ATXN7L1: variants seen among roughly 807,000 people sequenced by gnomAD.
ATXN7L1 encodes ataxin-7-like protein 1.
In ATXN7L1, 15 loss-of-function variants were observed where a neutral mutation model predicts 70.8. The ratio of observed to expected loss-of-function variants is 0.21; its 90% CI spans 0.14 to 0.33. The LOEUF (loss-of-function observed/expected upper bound fraction) is 0.33, where lower values mean the gene tolerates loss of function less well. Among genes scored for constraint, ATXN7L1 ranks in the 10% least tolerant of loss-of-function variants. ATXN7L1 has a pLI of 1.00. For synonymous variants in ATXN7L1, 440 were observed against 445.1 expected (o/e 0.99, Z 0.14); for missense variants, 975 against 1,097.1 (o/e 0.89, Z 1.57).
At chr7:105,668,297 G>C (rs149166002) in intron 3 of ATXN7L1, among the ~76,000 whole-genome samples, 1 of 152,154 alleles carries the variant, frequency 6.6e-6, no homozygotes, top group African/African-American at 2.4e-5. Context: ...GCTGTGGCAC[G>C]ATCATGGCTT....
At chr7:105,670,362 T>G (rs949623075) in intron 3 of ATXN7L1, among the ~76,000 whole-genome samples, 1 of 152,182 alleles carries the variant, frequency 6.6e-6, no homozygotes, top group East Asian at 1.9e-4. Context: ...CCATTTGCCC[T>G]GCCCAGAAAG....
chr7:105,645,301 TA>T (rs199516496), intron 4 of ATXN7L1, among the ~76,000 whole-genome samples: 6 of 151,074 alleles, frequency 4.0e-5, no homozygotes, highest in East Asian at 3.9e-4. Flanking sequence ...ATGTACAAAC[TA>T]AAAAAAAATG....
intron 8 of ATXN7L1, among the ~76,000 whole-genome samples, chr7:105,621,340 C>T (rs1217780887): frequency 6.6e-6 from 1 of 152,196 alleles, no homozygotes; most frequent in Non-Finnish European, 1.5e-5. Context: ...CCATGGCACA[C>T]CCATTGCCTG....
At chr7:105,623,290 C>G (rs1795202906) in intron 8 of ATXN7L1, among the ~76,000 whole-genome samples, 1 of 152,162 alleles carries the variant, frequency 6.6e-6, no homozygotes, top group East Asian at 1.9e-4. Flanking sequence ...AGGCTGGCAC[C>G]AGAGTAAACC....
In ATXN7L1 at chr7:105,607,858, A is replaced by G; in HGVS notation, c.2580T>C (p.Leu860=). The change falls in exon 12 of 12, where the codon CTT becomes CTC. Residue 860 remains leucine, a synonymous_variant. Transcript: ENST00000419735. The part of the protein sequence containing the change: ...NTNRTGRIRT[L]P ...AAGTGGCTTCATAGTCTTGTTATGGAAGAGTCCTTATCCTGCCCGTTCTGT... is the reference window on the plus strand; with the variant it reads ...AAGTGGCTTCATAGTCTTGTTATGGGAGAGTCCTTATCCTGCCCGTTCTGT... 1.3e-6 allele frequency: 2 copies of G among 1,551,956 alleles called. No individual in the cohort carries two copies. The highest frequency in any genetic ancestry group is 1.7e-6 in the Non-Finnish European group (2 of 1,146,988).
chr7:105,643,083 T>A lies in ATXN7L1; in HGVS notation c.617A>T (p.Asn206Ile). Residue 206 changes from asparagine to isoleucine, a missense_variant, in exon 5 of 12, where the codon AAC becomes ATC. Transcript: ENST00000419735. ...ATTGGCACCATCTGCCTTCACTAGG[T>A]TAGGAATTTTCTCTAAACTGACTAC... ...VPVVSLEKIPNLVKADGANVK... is the reference protein window; with the variant it reads ...VPVVSLEKIPILVKADGANVK... 6.5e-7 allele frequency: 1 copy of A among 1,541,680 alleles called. No homozygotes were observed. Among genetic ancestry groups the A allele is most frequent in the South Asian group, 1.2e-5 (1 of 83,048 alleles).
chr7:105,844,011 C>A (rs1280401140), intron 2 of ATXN7L1, among the ~76,000 whole-genome samples: 1 of 152,192 alleles, frequency 6.6e-6, no homozygotes, highest in Non-Finnish European at 1.5e-5. Flanking sequence ...CAAGATGGCC[C>A]ATTCACATGG....
At chr7:105,765,061 G>A (rs143693016) in intron 3 of ATXN7L1, among the ~76,000 whole-genome samples, 12 of 152,244 alleles carry the variant, frequency 7.9e-5, no homozygotes, top group African/African-American at 2.6e-4. Context: ...TAGGCCGGGC[G>A]TGGTGGCTCA....
intron 2 of ATXN7L1, among the ~76,000 whole-genome samples, chr7:105,841,613 T>C (rs1267071954): frequency 4.6e-5 from 7 of 152,184 alleles, no homozygotes; most frequent in Non-Finnish European, 4.4e-5. Context: ...AGTCATCTGA[T>C]GGAAGGCTGT....
intron 2 of ATXN7L1, among the ~76,000 whole-genome samples, chr7:105,854,471 G>T (rs1360289056): frequency 2.0e-5 from 2 of 97,708 alleles, no homozygotes; most frequent in African/African-American, 4.1e-5. Flanking sequence ...AATTAGCTCT[G>T]AAAAAAAAAA....
intron 3 of ATXN7L1, among the ~76,000 whole-genome samples, chr7:105,721,415 C>T (rs1440697685): frequency 2.0e-5 from 3 of 152,194 alleles, no homozygotes; most frequent in South Asian, 2.1e-4. Context: ...CCATTCAGCA[C>T]AGCGGCCTTG....
intron 3 of ATXN7L1, among the ~76,000 whole-genome samples, chr7:105,761,860 C>T (rs1008699501): frequency 1.3e-5 from 2 of 152,218 alleles, no homozygotes; most frequent in Non-Finnish European, 2.9e-5. Context: ...ATCCACATCA[C>T]ATTGTATTCT....
intron 4 of ATXN7L1, among the ~76,000 whole-genome samples, chr7:105,661,936 A>G (rs1801670726): frequency 6.6e-6 from 1 of 152,092 alleles, no homozygotes; most frequent in African/African-American, 2.4e-5. Context: ...TCTTTTCACT[A>G]CGAGCTATCT....
At chr7:105,853,695 C>T (rs1021047280) in intron 2 of ATXN7L1, among the ~76,000 whole-genome samples, 3 of 152,026 alleles carry the variant, frequency 2.0e-5, no homozygotes, top group Admixed American at 6.6e-5. Flanking sequence ...ACCTGGGAGG[C>T]GGAGGTTGCA....
At chr7:105,831,574 C>A (rs1208857207) in intron 2 of ATXN7L1, among the ~76,000 whole-genome samples, 1 of 152,168 alleles carries the variant, frequency 6.6e-6, no homozygotes, top group Non-Finnish European at 1.5e-5. Flanking sequence ...TATCTCTACT[C>A]TCTCCTGAAG....
intron 4 of ATXN7L1, among the ~76,000 whole-genome samples, chr7:105,656,029 A>G (rs1367465699): frequency 6.6e-6 from 1 of 152,264 alleles, no homozygotes; most frequent in African/African-American, 2.4e-5. Context: ...TAAGGCCCAA[A>G]GAGAAGGCAA....
At chr7:105,658,656 G>A (rs1230341071) in intron 4 of ATXN7L1, among the ~76,000 whole-genome samples, 1 of 150,356 alleles carries the variant, frequency 6.7e-6, no homozygotes, top group Non-Finnish European at 1.5e-5. Context: ...TCAGCCTCCC[G>A]AGTAGCTGAG....
chr7:105,725,560 C>G (rs532336340), intron 3 of ATXN7L1, among the ~76,000 whole-genome samples: 1 of 151,144 alleles, frequency 6.6e-6, no homozygotes, highest in East Asian at 2.0e-4. Flanking sequence ...ACATACATTG[C>G]GAGCAACTTT....
chr7:105,700,836 C>G (rs765703652), intron 3 of ATXN7L1, among the ~76,000 whole-genome samples: 67 of 152,076 alleles, frequency 4.4e-4, no homozygotes, highest in Admixed American at 4.4e-3. Flanking sequence ...CGCACACTAC[C>G]GCGCCTGCCT....
Sources: allele counts gnomAD v4.1 joint callset (sites outside exome capture counted in the v4.1 genomes callset), GRCh38; gene constraint gnomAD v4.1.1; transcripts MANE v1.5; gene names NCBI Gene and HGNC (gene_info 2026-07-23, HGNC 2026-07-21).